The following HAGH variants were observed in gnomAD, a reference collection of about 807,000 sequenced individuals.
The protein encoded by HAGH is hydroxyacylglutathione hydrolase, also known as hydroxyacylglutathione hydrolase, mitochondrial.
Under a neutral mutation model 35.1 loss-of-function variants are expected in HAGH, and 29 were observed. The ratio of observed to expected loss-of-function variants is 0.83; its 90% CI spans 0.62 to 1.13. The LOEUF (loss-of-function observed/expected upper bound fraction) is 1.13. HAGH is among the 50% of genes most tolerant of loss of function. HAGH has a pLI of 0.00. For missense variants in HAGH, 478 were observed against 419.6 expected (o/e 1.14, Z -1.22); for synonymous variants, 225 against 176.1 (o/e 1.28, Z -2.20).
intron 7 of HAGH, among the ~76,000 whole-genome samples, chr16:1,813,533 C>T (rs1897756017): frequency 1.3e-5 from 2 of 152,146 alleles, no homozygotes; most frequent in African/African-American, 4.8e-5. Flanking sequence ...TTTAGTAACA[C>T]GTGCAAGACC....
intron 5 of HAGH, 169 bp downstream of exon 5, chr16:1,818,946 C>A: frequency 1.7e-6 from 1 of 601,456 alleles, no homozygotes; most frequent in Non-Finnish European, 3.0e-6. Context: ...CCAAACCCAT[C>A]ATGGGAGGAA....
At chr16:1,809,482 G>A (rs781288330) in intron 8 of HAGH, 100 bp from the exon 9 acceptor site, 18 of 915,852 alleles carry the variant, frequency 2.0e-5, no homozygotes, top group South Asian at 1.4e-4. Flanking sequence ...GCCGAGCCCA[G>A]CCCTCAGAGG....
intron 1 of HAGH, among the ~76,000 whole-genome samples, chr16:1,824,096 G>A (rs765280616): frequency 6.6e-6 from 1 of 151,928 alleles, no homozygotes; most frequent in Non-Finnish European, 1.5e-5. Context: ...CCTCTAGCCA[G>A]AAAGAACCAA....
chr16:1,813,534 G>A (rs1405103379), intron 7 of HAGH, among the ~76,000 whole-genome samples: 2 of 152,158 alleles, frequency 1.3e-5, no homozygotes, highest in East Asian at 3.8e-4. Flanking sequence ...TTAGTAACAC[G>A]TGCAAGACCT....
At chr16:1,812,848 C>G (rs942406307) in intron 7 of HAGH, among the ~76,000 whole-genome samples, 3 of 152,170 alleles carry the variant, frequency 2.0e-5, no homozygotes, top group African/African-American at 7.2e-5. Flanking sequence ...GGCTCCAGCA[C>G]CTCCTTTCAA....
chr16:1,808,957 C>T lies in HAGH; in HGVS notation c.*326G>A, dbSNP rs967107401. 8 of 318,352 alleles carry T rather than the reference C, an allele frequency of 2.5e-5. No individual in the cohort carries two copies. Among genetic ancestry groups the T allele is most frequent in the African/African-American group, 1.5e-4 (7 of 47,294 alleles). 19.7% of individuals were successfully genotyped at this position (318,352 alleles called of 1,614,324 possible). ...AGTGGGCCTGACAGTCCCATCAGCA[C>T]CCAGCCAAGGCCACAGCAAAGGCAC... On this transcript the variant is annotated 3_prime_UTR_variant, in exon 9 of 9. Transcript: ENST00000397356.
chr16:1,812,198 C>CAAAA (rs763735556), intron 7 of HAGH, among the ~76,000 whole-genome samples: 1 of 110,658 alleles, frequency 9.0e-6, no homozygotes. Context: ...TCTCCCCAAC[C>CAAAA]AAAAAAAAAA....
intron 7 of HAGH, among the ~76,000 whole-genome samples, chr16:1,816,081 C>T (rs181452731): frequency 1.6e-4 from 24 of 149,176 alleles, no homozygotes; most frequent in Middle Eastern, 3.5e-3. Context: ...GTTGGGATTA[C>T]AAGCGTGAGC....
In HAGH at chr16:1,822,356, G is replaced by A. The variant is rs115850237; in HGVS notation, c.258C>T (p.Asp86=). 6.3e-5 allele frequency: 101 copies of A among 1,610,054 alleles called. No individual in the cohort carries two copies. The highest frequency in any genetic ancestry group is 1.1e-4 in the East Asian group (5 of 44,874). The change falls in exon 3 of 9, where the codon GAC becomes GAT. Residue 86 remains aspartate (D), a synonymous_variant. Coordinates refer to ENST00000397356, the MANE Select transcript of HAGH (RefSeq NM_005326.6). ...VDPVQPQKVV[D]AARKHGVKLT... ...GTTTCACCCCGTGCTTTCTCGCCGCGTCCACGACCTGCAGTGGCCCCGGGG... is the reference window on the plus strand; with the variant it reads ...GTTTCACCCCGTGCTTTCTCGCCGCATCCACGACCTGCAGTGGCCCCGGGG...
chr16:1,814,143 G>A (rs1201137815), intron 7 of HAGH, among the ~76,000 whole-genome samples: 1 of 152,124 alleles, frequency 6.6e-6, no homozygotes, highest in East Asian at 1.9e-4. Context: ...CTAAGGGTAT[G>A]CAAAGATATC....
At chr16:1,825,324 C>A (rs1372631447) in intron 1 of HAGH, among the ~76,000 whole-genome samples, 1 of 152,108 alleles carries the variant, frequency 6.6e-6, no homozygotes, top group Non-Finnish European at 1.5e-5. Context: ...TGGTGCTCAG[C>A]CTCCCCTGGA....
intron 1 of HAGH, among the ~76,000 whole-genome samples, chr16:1,824,219 CAAAAAA>C (rs1167533010): frequency 7.1e-6 from 1 of 139,970 alleles, no homozygotes; most frequent in African/African-American, 2.7e-5. Context: ...GAGACAGTCT[CAAAAAA>C]AAAAAAAAAC....
chr16:1,818,070 C>T (rs1336520171), intron 5 of HAGH, among the ~76,000 whole-genome samples: 2 of 152,200 alleles, frequency 1.3e-5, no homozygotes, highest in African/African-American at 2.4e-5. Context: ...CCCTAGACCT[C>T]GAGTCTGAGG....
At chr16:1,823,716 C>T (rs959377960) in intron 1 of HAGH, among the ~76,000 whole-genome samples, 1 of 136,058 alleles carries the variant, frequency 7.3e-6, no homozygotes, top group Non-Finnish European at 1.5e-5. Flanking sequence ...GCACTCCAGC[C>T]TGGGTGACAA....
intron 5 of HAGH, among the ~76,000 whole-genome samples, chr16:1,817,985 C>G (rs1174907702): frequency 6.6e-6 from 1 of 152,254 alleles, no homozygotes. Flanking sequence ...CGGTGCTGGG[C>G]ACAGGCCAAG....
At position 1,817,354 on chromosome 16, in the gene HAGH, C is replaced by T. The variant is rs548647111; in HGVS notation, c.542-83G>A. 1.9e-5 allele frequency: 17 copies of T among 894,784 alleles called. No individual in the cohort carries two copies. The East Asian group carries it at 3.5e-4, about 18-fold the overall frequency. The allele number at this position is 894,784 out of a possible 1,614,324, so 55.4% of individuals were successfully genotyped here. ...GGAGGGGGCCAGGAGCAGGGTGACA[C>T]TCACCGGCAAGGCCCAGGCCCCGAA... On this transcript the variant is annotated intron_variant, in intron 5 of 8. Coordinates refer to ENST00000397356, the MANE Select transcript of HAGH (RefSeq NM_005326.6).
chr16:1,819,373 T>A, intron 4 of HAGH, 150 bp from the exon 5 acceptor site: 3 of 604,682 alleles, frequency 5.0e-6, no homozygotes, highest in Non-Finnish European at 8.8e-6. Flanking sequence ...ACCACGGGAC[T>A]GGGGGACTCG....
chr16:1,817,125 T>C (rs1567256773), intron 6 of HAGH, 43 bp downstream of exon 6: 1 of 1,441,520 alleles, frequency 6.9e-7, no homozygotes, highest in Non-Finnish European at 9.8e-7. Context: ...CCCGCCCTGG[T>C]TAAGGCCCCC....
chr16:1,826,726 G>A lies in HAGH; in HGVS notation c.62C>T (p.Ala21Val). Residue 21 changes from alanine to valine, a missense_variant, in exon 1 of 9, where the codon GCC becomes GTC. Ala to Val is a moderately conservative substitution (Grantham distance 64). Coordinates refer to ENST00000397356, the MANE Select transcript of HAGH (RefSeq NM_005326.6). ...GCCGCACCCACCGAGGCCTCGGCGGGCGCAGGCGGCTCCCAGCGCGGCGAG... is the reference window on the plus strand; with the variant it reads ...GCCGCACCCACCGAGGCCTCGGCGGACGCAGGCGGCTCCCAGCGCGGCGAG... ...RSLAALGAAC[A>V]RRGLGPALLG... 8.6e-7 allele frequency: 1 copy of A among 1,157,820 alleles called. No homozygotes were observed. Among genetic ancestry groups the A allele is most frequent in the Non-Finnish European group, 1.1e-6 (1 of 940,990 alleles). The allele number at this position is 1,157,820 out of a possible 1,614,324, so 71.7% of individuals were successfully genotyped here.
Sources: allele counts gnomAD v4.1 joint callset (sites outside exome capture counted in the v4.1 genomes callset), GRCh38; gene constraint gnomAD v4.1.1; transcripts MANE v1.5; gene names NCBI Gene and HGNC (gene_info 2026-07-23, HGNC 2026-07-21).